The following ADGRD1 variants were observed in gnomAD, a reference collection of about 807,000 sequenced individuals.
ADGRD1 encodes adhesion G protein-coupled receptor D1, also known as G-protein coupled receptor 133.
A neutral mutation model predicts 113.4 loss-of-function variants in ADGRD1; 77 were observed. The ratio of observed to expected loss-of-function variants is 0.68; its 90% CI spans 0.57 to 0.82. The LOEUF (loss-of-function observed/expected upper bound fraction) is 0.82. Among genes scored for constraint, ADGRD1 ranks in the 40% least tolerant of loss-of-function variants. ADGRD1 has a pLI of 0.00. For synonymous variants in ADGRD1, 474 were observed against 475.0 expected, an observed-to-expected ratio of 1.00 and a Z score of 0.03; for missense variants, 1,036 against 1,139.1, an observed-to-expected ratio of 0.91 and a Z score of 1.30.
At chr12:131,104,173 T>C (rs1046457720) in intron 15 of ADGRD1, among the ~76,000 whole-genome samples, 7 of 152,204 alleles carry the variant, frequency 4.6e-5, no homozygotes, top group African/African-American at 1.7e-4. Flanking sequence ...AGAGCTTTCC[T>C]GAGGCCCACA....
intron 4 of ADGRD1, among the ~76,000 whole-genome samples, chr12:130,974,140 G>GGGCTTTCCTTTCCTTTCCTTTCC (rs1460199953): frequency 6.6e-6 from 1 of 152,154 alleles, no homozygotes; most frequent in African/African-American, 2.4e-5. Context: ...TTCCTCTGCT[G>GGGCTTTCCTTTCCTTTCCTTTCC]TATCCTTGGC....
chr12:131,131,544 G>T lies in ADGRD1; in HGVS notation c.2176-181G>T, dbSNP rs191012915. On this transcript the variant is annotated intron_variant, in intron 20 of 24. Transcript: ENST00000261654. ...GGTGCTCTCAGAGGCAAGCTTGCAT[G>T]TTGTGTGTGTTGGTAAAAGCCCACG... Among the ~76,000 whole-genome samples, 430 of 152,358 alleles carry T rather than the reference G, an allele frequency of 2.8e-3. 2 individuals carry two copies. Among genetic ancestry groups the T allele is most frequent in the Middle Eastern group, 0.02 (6 of 294 alleles).
At position 131,117,466 on chromosome 12, in the gene ADGRD1, G is replaced by A. The variant is rs117608878; in HGVS notation, c.2042-919G>A. Among the ~76,000 whole-genome samples, 453 of 152,248 alleles carry A rather than the reference G, an allele frequency of 3.0e-3. 2 individuals carry two copies. The highest frequency in any genetic ancestry group is 0.02 in the Middle Eastern group (6 of 294). ...CGTCTCTCAGATCTGATCTCTTGTG[G>A]TGCCAAAATGGCTGCCTGGACCCCA... On this transcript the variant is annotated intron_variant, in intron 18 of 24. Coordinates refer to ENST00000261654, the MANE Select transcript of ADGRD1 (RefSeq NM_198827.5).
intron 2 of ADGRD1, among the ~76,000 whole-genome samples, chr12:130,955,743 G>C (rs945569680): frequency 1.3e-5 from 2 of 152,160 alleles, no homozygotes; most frequent in African/African-American, 4.8e-5. Context: ...GTATGGCCCT[G>C]CCTGTCTCTG....
rs138840486 is a variant in ADGRD1, at chr12:131,009,424, C to T, written c.1331+3377C>T. 2.8e-4 allele frequency among the ~76,000 whole-genome samples: 42 copies of T among 152,244 alleles called. No individual in the cohort carries two copies. The East Asian group carries it at 7.1e-3, about 26-fold the overall frequency. ...TTGAGAGAAGTGGAGTTCTGGAGGA[C>T]GTGTGTGATGGTGGGGGGTGTGTGC... On this transcript the variant is annotated intron_variant, in intron 12 of 24. Coordinates refer to ENST00000261654, the MANE Select transcript of ADGRD1 (RefSeq NM_198827.5).
chr12:130,980,855 C>A (rs1416052168), intron 4 of ADGRD1: 1 of 152,246 alleles, frequency 6.6e-6, no homozygotes, highest in Non-Finnish European at 1.5e-5. Context: ...TGCCACAACA[C>A]ATTTGAGGTA....
intron 13 of ADGRD1, among the ~76,000 whole-genome samples, chr12:131,044,308 C>G (rs369712309): frequency 1.3e-5 from 2 of 152,126 alleles, no homozygotes; most frequent in Non-Finnish European, 2.9e-5. Context: ...GCATCGGGGC[C>G]GAGGAGGCCA....
rs1386541250 is a variant in ADGRD1 at position 131,139,874 on chromosome 12, T to C, written c.*611T>C. On this transcript the variant is annotated 3_prime_UTR_variant, in exon 25 of 25. Transcript: ENST00000261654. ...TGCTGTGTCATCAGTTGGGGGCCCC[T>C]GCCCAAGCCGAGCTCGAGCCGTGGG... 2 of 152,532 alleles carry C rather than the reference T, an allele frequency of 1.3e-5. No homozygotes were observed. The highest frequency in any genetic ancestry group is 6.5e-5 in the Admixed American group (1 of 15,304). 9.4% of individuals were successfully genotyped at this position (152,532 alleles called of 1,614,324 possible). A position where few individuals can be genotyped will look rare whatever the true frequency, so the allele number is the denominator to read the frequency against.
Position 130,984,054 on chromosome 12 carries a change from T to A in ADGRD1, c.490+1991T>A, listed in dbSNP as rs538050118. Among the ~76,000 whole-genome samples the A allele has an allele frequency of 6.6e-6, 1 of 152,198 alleles. No homozygotes were observed. The highest frequency in any genetic ancestry group is 2.1e-4 in the South Asian group (1 of 4,830). ...CTCTACCAACTCACTCCCATGTTGG[T>A]TAACATTATACGCCCTCGCTTAGAG... is the stretch of plus-strand genomic sequence containing the variant. On this transcript the variant is annotated intron_variant, in intron 5 of 24. Transcript: ENST00000261654. This position sits in a 1 kb window ranked among gnomAD's most constrained non-coding sequence, Gnocchi z 4.1.
intron 13 of ADGRD1, among the ~76,000 whole-genome samples, chr12:131,066,917 G>A (rs1287744397): frequency 2.0e-5 from 3 of 152,184 alleles, no homozygotes; most frequent in South Asian, 2.1e-4. Flanking sequence ...TAAGGGCCTC[G>A]GCTTTCCCCT....
At chr12:131,000,171 A>G (rs1012443188) in intron 8 of ADGRD1, among the ~76,000 whole-genome samples, 27 of 152,360 alleles carry the variant, frequency 1.8e-4, no homozygotes, top group African/African-American at 6.5e-4. Context: ...CTGACTCGAC[A>G]GGGCTGCCAC....
chr12:130,990,989 C>T (rs1213580187), intron 6 of ADGRD1, 25 bp from the exon 7 acceptor site: 2 of 1,608,224 alleles, frequency 1.2e-6, no homozygotes, highest in Non-Finnish European at 1.7e-6. Flanking sequence ...TGTTTTAGTC[C>T]TTAATCCAGC....
chr12:131,124,468 T>G (rs554452467), intron 20 of ADGRD1, among the ~76,000 whole-genome samples: 1 of 152,348 alleles, frequency 6.6e-6, no homozygotes, highest in African/African-American at 2.4e-5. Context: ...TTAAAAACTT[T>G]TAGGAAGCTG....
rs1252474420 is a variant in ADGRD1 at position 130,956,863 on chromosome 12, AC to A, written c.103+2204del. On this transcript the variant is annotated intron_variant, in intron 2 of 24. Transcript: ENST00000261654. Reference sequence around the variant, plus strand: ...GCACCAACACAAATCACACACATCCACACATGGTGACACATATGCATACACA... The same window carrying A: ...GCACCAACACAAATCACACACATCCAACATGGTGACACATATGCATACACA... 2.0e-5 allele frequency: 3 copies of A among 152,370 alleles called. No individual in the cohort carries two copies. The East Asian group carries it at 5.8e-4, about 30-fold the overall frequency. 9.4% of individuals were successfully genotyped at this position (152,370 alleles called of 1,614,324 possible).
At chr12:131,131,641 G>A in intron 20 of ADGRD1, 84 bp from the exon 21 acceptor site, 2 of 920,808 alleles carry the variant, frequency 2.2e-6, no homozygotes, top group East Asian at 2.5e-5. Flanking sequence ...GTAGCCTGTG[G>A]TGAGGGCAGT....
intron 2 of ADGRD1, among the ~76,000 whole-genome samples, chr12:130,955,970 G>C (rs1038146344): frequency 6.6e-6 from 1 of 152,124 alleles, no homozygotes; most frequent in African/African-American, 2.4e-5. Flanking sequence ...TGTATTTTTA[G>C]TAGACACAAG....
chr12:131,061,951 G>C (rs1388882152), intron 13 of ADGRD1, among the ~76,000 whole-genome samples: 1 of 152,208 alleles, frequency 6.6e-6, no homozygotes, highest in Non-Finnish European at 1.5e-5. Context: ...TAGGTCAGTT[G>C]TTTATACTTT....
chr12:130,994,388 A>T (rs1874920436), intron 8 of ADGRD1: 2 of 279,814 alleles, frequency 7.1e-6, no homozygotes, highest in Admixed American at 3.6e-5. Context: ...TCCGGGCACT[A>T]GTGCCCTGCC....
chr12:131,033,383 G>A (rs902575707), intron 13 of ADGRD1, among the ~76,000 whole-genome samples: 1 of 152,256 alleles, frequency 6.6e-6, no homozygotes, highest in Admixed American at 6.5e-5. Flanking sequence ...CCACATCTGT[G>A]CTCAGCACCG....
Sources: allele counts gnomAD v4.1 joint callset (sites outside exome capture counted in the v4.1 genomes callset), GRCh38; gene constraint gnomAD v4.1.1; non-coding constraint Gnocchi (gnomAD v3.1); transcripts MANE v1.5; gene names NCBI Gene and HGNC (gene_info 2026-07-23, HGNC 2026-07-21).